Variants in PRKCI observed in about 807,000 individuals in gnomAD.
PRKCI encodes the protein protein kinase C iota type.
A neutral mutation model predicts 84.0 loss-of-function variants in PRKCI; 43 were observed. That is an observed-to-expected ratio of 0.51 (90% CI 0.40 to 0.66). PRKCI has a LOEUF of 0.66. PRKCI is among the 30% of genes least tolerant of loss of function. The pLI, the probability that PRKCI is intolerant of heterozygous loss-of-function variation, is 0.00. For missense variants in PRKCI, 459 were observed against 745.6 expected (o/e 0.62, Z 4.48); for synonymous variants, 216 against 234.4 (o/e 0.92, Z 0.72).
intron 17 of PRKCI, among the ~76,000 whole-genome samples, chr3:170,300,039 G>A (rs1228007611): frequency 6.6e-6 from 1 of 152,238 alleles, no homozygotes; most frequent in Non-Finnish European, 1.5e-5. Context: ...GAGATATTTT[G>A]ATTATTTACC....
intron 1 of PRKCI, among the ~76,000 whole-genome samples, chr3:170,227,590 C>T (rs1304065560): frequency 6.6e-6 from 1 of 152,170 alleles, no homozygotes; most frequent in Non-Finnish European, 1.5e-5. Context: ...TAAACAACCA[C>T]ATGGTAAGTT....
At chr3:170,250,662 A>T (rs1043152529) in intron 2 of PRKCI, among the ~76,000 whole-genome samples, 6 of 152,158 alleles carry the variant, frequency 3.9e-5, no homozygotes, top group African/African-American at 1.4e-4. Context: ...TTATCAATTG[A>T]TGGACAATTG....
chr3:170,269,017 C>T (rs920182140), intron 5 of PRKCI, among the ~76,000 whole-genome samples: 2 of 152,082 alleles, frequency 1.3e-5, no homozygotes, highest in Non-Finnish European at 2.9e-5. Context: ...TGGGTTCAAG[C>T]GATTCTTGTG....
chr3:170,281,297 C>A, intron 10 of PRKCI, 34 bp downstream of exon 10: 1 of 1,570,242 alleles, frequency 6.4e-7, no homozygotes, highest in Non-Finnish European at 8.8e-7. Flanking sequence ...GATTACTGGG[C>A]TTCATATTTT....
chr3:170,299,990 T>G (rs1734784573), intron 17 of PRKCI, among the ~76,000 whole-genome samples: 1 of 152,240 alleles, frequency 6.6e-6, no homozygotes, highest in South Asian at 2.1e-4. Context: ...TTTTTGTGCT[T>G]ATACTTCATC....
At chr3:170,292,826 G>A (rs1734588243) in intron 13 of PRKCI, among the ~76,000 whole-genome samples, 1 of 151,924 alleles carries the variant, frequency 6.6e-6, no homozygotes, top group Admixed American at 6.6e-5. Flanking sequence ...CGGATCACGA[G>A]GTCAGGAAAT....
chr3:170,257,782 A>AG (rs1457296805), intron 2 of PRKCI, among the ~76,000 whole-genome samples: 1 of 150,616 alleles, frequency 6.6e-6, no homozygotes, highest in Non-Finnish European at 1.5e-5. Context: ...CGCCTGCCTT[A>AG]GCCTCCTGAG....
chr3:170,244,249 C>T (rs78229847), intron 2 of PRKCI, among the ~76,000 whole-genome samples: 5,279 of 152,176 alleles, frequency 0.035, 240 homozygotes, highest in African/African-American at 0.089. Context: ...ATGTGGTTAT[C>T]TCTAAGGTGG....
chr3:170,301,584 G>T (rs377089051), intron 17 of PRKCI, among the ~76,000 whole-genome samples: 1 of 151,910 alleles, frequency 6.6e-6, no homozygotes, highest in Non-Finnish European at 1.5e-5. Context: ...AGTGATTGTG[G>T]ACTCCTCCTT....
intron 4 of PRKCI, among the ~76,000 whole-genome samples, chr3:170,265,620 CTTTTTTT>C (rs111545487): frequency 7.0e-6 from 1 of 142,350 alleles, no homozygotes. Context: ...CTTTCTTTTT[CTTTTTTT>C]TTTTTTTGAG....
intron 12 of PRKCI, among the ~76,000 whole-genome samples, chr3:170,289,783 A>G (rs1234691800): frequency 2.0e-5 from 3 of 152,120 alleles, no homozygotes; most frequent in African/African-American, 7.2e-5. Flanking sequence ...GTGGTGGTGC[A>G]TATCTGTAAT....
rs1166693746 is a variant in PRKCI at position 170,267,988 on chromosome 3, G to A, written c.438G>A (p.Lys146=). Residue 146 remains lysine, a synonymous_variant, in exon 5 of 18, where the codon AAG becomes AAA. Coordinates refer to ENST00000295797, the MANE Select transcript of PRKCI (RefSeq NM_002740.6). The part of the protein sequence containing the change: ...YCANGHTFQA[K]RFNRRAHCAI... ...CCAATGGCCACACTTTCCAAGCCAA[G>A]CGTTTCAACAGGGTAAACATAGTTT... The A allele has an allele frequency of 6.2e-7, 1 of 1,612,028 alleles. No homozygotes were observed.
At chr3:170,255,980 G>A (rs1045168570) in intron 2 of PRKCI, among the ~76,000 whole-genome samples, 5 of 152,034 alleles carry the variant, frequency 3.3e-5, no homozygotes, top group Admixed American at 2.0e-4. Flanking sequence ...GATATATCAC[G>A]TTGATTGATT....
intron 15 of PRKCI, among the ~76,000 whole-genome samples, chr3:170,296,911 T>C (rs1734698903): frequency 6.6e-6 from 1 of 152,154 alleles, no homozygotes; most frequent in East Asian, 1.9e-4. Flanking sequence ...GTTGCTATAA[T>C]TGGGCATGGG....
At position 170,303,260 on chromosome 3, in the gene PRKCI, A is replaced by G; in HGVS notation, c.*133A>G. 1 of 520,654 alleles carries G rather than the reference A, an allele frequency of 1.9e-6. No homozygotes were observed. Among genetic ancestry groups the G allele is most frequent in the Non-Finnish European group, 3.3e-6 (1 of 303,518 alleles). 32.3% of individuals were successfully genotyped at this position (520,654 alleles called of 1,614,324 possible). ...AAACACCCAATATCTTCTCTTGTAG[A>G]CTATATGAATCAATTATTACATCTG... On this transcript the variant is annotated 3_prime_UTR_variant, in exon 18 of 18. Transcript: ENST00000295797.
intron 15 of PRKCI, among the ~76,000 whole-genome samples, chr3:170,296,649 A>T (rs2108867192): frequency 6.6e-6 from 1 of 152,306 alleles, no homozygotes; most frequent in East Asian, 1.9e-4. Context: ...TAAAATAAGA[A>T]ATTGAAGCCT....
chr3:170,248,372 G>A (rs1577348768), intron 2 of PRKCI, among the ~76,000 whole-genome samples: 2 of 46,756 alleles, frequency 4.3e-5, no homozygotes, highest in Admixed American at 4.9e-4. Context: ...TAGATATATT[G>A]GGGGGGGGAA....
chr3:170,300,917 T>G (rs1296582472), intron 17 of PRKCI, among the ~76,000 whole-genome samples: 1 of 152,168 alleles, frequency 6.6e-6, no homozygotes, highest in Non-Finnish European at 1.5e-5. Flanking sequence ...TCATGTGTTT[T>G]CCCTGTCCCC....
intron 14 of PRKCI, among the ~76,000 whole-genome samples, chr3:170,295,021 C>G (rs1734657370): frequency 6.6e-6 from 1 of 150,474 alleles, no homozygotes; most frequent in African/African-American, 2.4e-5. Context: ...ACCAGCCTGG[C>G]CAACATGGCA....
Sources: allele counts gnomAD v4.1 joint callset (sites outside exome capture counted in the v4.1 genomes callset), GRCh38; gene constraint gnomAD v4.1.1; transcripts MANE v1.5; gene names NCBI Gene and HGNC (gene_info 2026-07-23, HGNC 2026-07-21).